The following CA10 variants were observed in gnomAD, a reference collection of about 807,000 sequenced individuals.
CA10 encodes the protein carbonic anhydrase 10 (inactive).
A neutral mutation model predicts 44.2 loss-of-function variants in CA10; 14 were observed. The observed-to-expected ratio is 0.32, with a 90% CI of 0.21 to 0.50. CA10 has a LOEUF of 0.50. Among genes scored for constraint, CA10 ranks in the 20% least tolerant of loss-of-function variants. The pLI is 0.99. For missense variants in CA10, 350 were observed against 409.7 expected, an observed-to-expected ratio of 0.85 and a Z score of 1.26; for synonymous variants, 159 against 141.6, an observed-to-expected ratio of 1.12 and a Z score of -0.87.
At chr17:52,140,345 G>T (rs1197002515) in intron 1 of CA10, among the ~76,000 whole-genome samples, 1 of 152,168 alleles carries the variant, frequency 6.6e-6, no homozygotes, top group African/African-American at 2.4e-5. Context: ...AGCTTTGCCG[G>T]CCTTAGGCTC....
chr17:51,631,725 T>C (rs778856540), intron 8 of CA10, 119 bp from the exon 9 acceptor site: 1 of 854,334 alleles, frequency 1.2e-6, no homozygotes, highest in East Asian at 2.5e-5. Flanking sequence ...GTTTTGTAAA[T>C]GCCTGCTTAC....
intron 2 of CA10, among the ~76,000 whole-genome samples, chr17:51,962,590 G>A (rs902381932): frequency 1.3e-5 from 2 of 152,158 alleles, no homozygotes; most frequent in African/African-American, 2.4e-5. Flanking sequence ...CTACTGGCTT[G>A]TAAGTCAAAC....
chr17:51,859,050 T>C (rs1289027009), intron 3 of CA10, among the ~76,000 whole-genome samples: 1 of 152,080 alleles, frequency 6.6e-6, no homozygotes, highest in Non-Finnish European at 1.5e-5. Context: ...GTTAGTTAAT[T>C]ATTAATTAAT....
intron 3 of CA10, among the ~76,000 whole-genome samples, chr17:51,927,115 C>G (rs1037162506): frequency 6.6e-6 from 1 of 152,132 alleles, no homozygotes; most frequent in African/African-American, 2.4e-5. Flanking sequence ...GTGTCATCAA[C>G]TACCTTTTAT....
At position 51,959,282 on chromosome 17, in the gene CA10, C is replaced by CTG. The variant is rs71149386; in HGVS notation, c.137-28152_137-28151dup. The stretch of plus-strand genomic sequence containing the variant: ...TTGTTCTCTCTCTCGCTCTCTCTCT[C>CTG]TGTGTGTGTGTGTGTGTGTGTGTGT... On this transcript the variant is annotated intron_variant, in intron 2 of 8. Transcript: ENST00000451037. Among the ~76,000 whole-genome samples, 101 of 134,436 alleles carry CTG rather than the reference C, an allele frequency of 7.5e-4. 2 individuals are homozygous for CTG. Among genetic ancestry groups the CTG allele is most frequent in the African/African-American group, 2.5e-3 (86 of 35,042 alleles). 88.2% of individuals were successfully genotyped at this position (134,436 alleles called of 152,430 possible).
chr17:51,916,563 T>C (rs1982004820), intron 3 of CA10, among the ~76,000 whole-genome samples: 2 of 152,162 alleles, frequency 1.3e-5, no homozygotes, highest in Admixed American at 1.3e-4. Flanking sequence ...TCTTGTCTGC[T>C]GCCGTGTGAG....
intron 4 of CA10, among the ~76,000 whole-genome samples, chr17:51,693,503 A>G (rs778059590): frequency 1.3e-5 from 2 of 151,982 alleles, no homozygotes; most frequent in South Asian, 4.2e-4. Flanking sequence ...ACCCCCGACC[A>G]TCTAGCAGTC....
intron 6 of CA10, among the ~76,000 whole-genome samples, chr17:51,641,159 TCTCTCTC>T (rs1913068596): frequency 9.2e-5 from 2 of 21,770 alleles, no homozygotes; most frequent in Non-Finnish European, 3.3e-4. Flanking sequence ...CAGCTCTCTC[TCTCTCTC>T]CTCTCTCTCT....
At chr17:51,757,455 G>A (rs1905106892) in intron 3 of CA10, among the ~76,000 whole-genome samples, 1 of 152,176 alleles carries the variant, frequency 6.6e-6, no homozygotes, top group African/African-American at 2.4e-5. Flanking sequence ...TGAGTGAGTT[G>A]TCCAGGATTA....
intron 3 of CA10, among the ~76,000 whole-genome samples, chr17:51,834,666 G>A (rs1908409346): frequency 6.6e-6 from 1 of 152,126 alleles, no homozygotes; most frequent in Non-Finnish European, 1.5e-5. Flanking sequence ...AAGTAATAAG[G>A]CTTTAGTGTC....
chr17:51,714,994 T>C (rs931306203), intron 4 of CA10, among the ~76,000 whole-genome samples: 2 of 152,254 alleles, frequency 1.3e-5, no homozygotes, highest in Non-Finnish European at 2.9e-5. Flanking sequence ...TATAGCTTTA[T>C]GTTCTCACAT....
In CA10 at chr17:51,630,398, G is replaced by A. The variant is rs1437804721; in HGVS notation, c.*1186C>T. ...GACCATTATAAACAAGAAAAGAAAG[G>A]CATTCGTTTTGTACTTTGTGAGATC... On this transcript the variant is annotated 3_prime_UTR_variant, in exon 9 of 9. Coordinates refer to ENST00000451037, the MANE Select transcript of CA10 (RefSeq NM_020178.5). The A allele has an allele frequency of 6.5e-6, 1 of 152,712 alleles. No individual in the cohort carries two copies. The highest frequency in any genetic ancestry group is 1.9e-4 in the East Asian group (1 of 5,192). 9.5% of individuals were successfully genotyped at this position (152,712 alleles called of 1,614,324 possible).
intron 3 of CA10, among the ~76,000 whole-genome samples, chr17:51,767,583 G>T (rs1441138084): frequency 6.6e-6 from 1 of 152,066 alleles, no homozygotes; most frequent in Non-Finnish European, 1.5e-5. Context: ...TTTTTCTAGG[G>T]ATCTAGGGGT....
chr17:51,788,444 G>A (rs1906379626), intron 3 of CA10, among the ~76,000 whole-genome samples: 1 of 152,154 alleles, frequency 6.6e-6, no homozygotes, highest in Non-Finnish European at 1.5e-5. Context: ...GAAATGTTCT[G>A]TAAATATCTA....
chr17:51,860,098 T>C (rs1979235272), intron 3 of CA10, among the ~76,000 whole-genome samples: 1 of 152,192 alleles, frequency 6.6e-6, no homozygotes, highest in Non-Finnish European at 1.5e-5. Flanking sequence ...CTTCCTTCCT[T>C]ACAGGCATAT....
chr17:51,675,742 CACA>C (rs1249699131), intron 4 of CA10, among the ~76,000 whole-genome samples: 1 of 151,744 alleles, frequency 6.6e-6, no homozygotes, highest in East Asian at 1.9e-4. Context: ...ACAAAAAACA[CACA>C]ACAACTCCCA....
intron 3 of CA10, among the ~76,000 whole-genome samples, chr17:51,816,979 CTTGTG>C (rs1907587055): frequency 6.6e-6 from 1 of 152,210 alleles, no homozygotes; most frequent in African/African-American, 2.4e-5. Context: ...ATAAGCCTTT[CTTGTG>C]TTATCTACTG....
intron 2 of CA10, among the ~76,000 whole-genome samples, chr17:51,944,163 T>C (rs531715903): frequency 1.3e-5 from 2 of 152,190 alleles, no homozygotes; most frequent in Non-Finnish European, 2.9e-5. Flanking sequence ...GATTTCCCAA[T>C]TCCCACATTT....
chr17:52,017,776 C>A (rs1986014237), intron 2 of CA10, among the ~76,000 whole-genome samples: 1 of 152,050 alleles, frequency 6.6e-6, no homozygotes, highest in East Asian at 1.9e-4. Context: ...ATTCACATGA[C>A]TAAATGGTAG....
Sources: gnomAD v4.1 joint callset for allele counts (sites outside exome capture counted in the v4.1 genomes callset) on GRCh38, gnomAD v4.1.1 for gene constraint, MANE v1.5 for transcripts, NCBI Gene and HGNC (gene_info 2026-07-23, HGNC 2026-07-21) for gene names.